The following CHN2 variants were observed in gnomAD, a reference collection of about 807,000 sequenced individuals.
The protein encoded by CHN2 is beta-chimaerin.
Under a neutral mutation model 56.3 loss-of-function variants are expected in CHN2, and 35 were observed. That is an observed-to-expected ratio of 0.62 (90% CI 0.47 to 0.82). The LOEUF is 0.82. Ranked by LOEUF, CHN2 falls within the 40% of genes least tolerant of loss-of-function variation. The pLI is 0.00. For synonymous variants in CHN2, 210 were observed against 212.8 expected, an observed-to-expected ratio of 0.99 and a Z score of 0.12; for missense variants, 491 against 580.5, an observed-to-expected ratio of 0.85 and a Z score of 1.58.
At chr7:29,481,412 A>G (rs2128543827) in intron 7 of CHN2, among the ~76,000 whole-genome samples, 1 of 152,332 alleles carries the variant, frequency 6.6e-6, no homozygotes, top group East Asian at 1.9e-4. Flanking sequence ...TCTGAGGACA[A>G]ATATTCATCT....
chr7:29,406,901 C>T lies in CHN2; in HGVS notation c.576+6073C>T, dbSNP rs577212499. On this transcript the variant is annotated intron_variant, in intron 6 of 12. Transcript: ENST00000222792. ...ACTTCCTAATTCTAACGCCCTCCAC[C>T]TCACTCGGTGAAGCAAGCACTGATT... is the stretch of plus-strand genomic sequence containing the variant. Among the ~76,000 whole-genome samples the T allele has an allele frequency of 2.8e-4, 42 of 152,298 alleles. No individual in the cohort carries two copies. In the South Asian group the frequency reaches 6.8e-3, roughly 25 times the overall value.
chr7:29,279,262 C>T (rs961397371), intron 1 of CHN2, among the ~76,000 whole-genome samples: 4 of 152,234 alleles, frequency 2.6e-5, no homozygotes, highest in African/African-American at 7.2e-5. Context: ...CTCCAACCCC[C>T]GAAAAATATA....
intron 1 of CHN2, among the ~76,000 whole-genome samples, chr7:29,264,277 G>T (rs1789920830): frequency 6.6e-6 from 1 of 152,030 alleles, no homozygotes; most frequent in Non-Finnish European, 1.5e-5. Context: ...GAAGTGAGGA[G>T]CCCCTCTGCC....
chr7:29,263,195 G>T (rs1789716703), intron 1 of CHN2, among the ~76,000 whole-genome samples: 1 of 152,166 alleles, frequency 6.6e-6, no homozygotes, highest in Non-Finnish European at 1.5e-5. Context: ...CGCCTGACTG[G>T]TTTTCGTATT....
chr7:29,266,487 T>A (rs989987992), intron 1 of CHN2, among the ~76,000 whole-genome samples: 1 of 152,202 alleles, frequency 6.6e-6, no homozygotes, highest in African/African-American at 2.4e-5. Context: ...GTTATTCTAA[T>A]GTGTCGCAAG....
chr7:29,462,162 A>G (rs1785215943), intron 6 of CHN2, among the ~76,000 whole-genome samples: 1 of 152,222 alleles, frequency 6.6e-6, no homozygotes, highest in African/African-American at 2.4e-5. Context: ...ACTGCTGAGC[A>G]TTAATTCTTT....
At chr7:29,296,095 T>C (rs1793135393) in intron 1 of CHN2, among the ~76,000 whole-genome samples, 1 of 152,072 alleles carries the variant, frequency 6.6e-6, no homozygotes, top group South Asian at 2.1e-4. Context: ...TTTTTTTTTT[T>C]TTTTTTAAGA....
At chr7:29,388,688 A>G (rs1442603512) in intron 3 of CHN2, among the ~76,000 whole-genome samples, 1 of 152,168 alleles carries the variant, frequency 6.6e-6, no homozygotes, top group African/African-American at 2.4e-5. Context: ...ATAATTCAGG[A>G]TCTTAAAATA....
intron 2 of CHN2, among the ~76,000 whole-genome samples, chr7:29,178,868 A>C (rs570603519): frequency 1.3e-5 from 2 of 152,362 alleles, no homozygotes; most frequent in South Asian, 4.1e-4. Flanking sequence ...CACAAATTTG[A>C]CCAATCAAAG....
At chr7:29,327,691 A>G (rs574390564) in intron 1 of CHN2, among the ~76,000 whole-genome samples, 1 of 152,220 alleles carries the variant, frequency 6.6e-6, no homozygotes, top group African/African-American at 2.4e-5. Context: ...GAAGTGTGTA[A>G]TTAGTGGTTG....
At chr7:29,199,107 G>T (rs141284757) in intron 1 of CHN2, among the ~76,000 whole-genome samples, 18 of 152,296 alleles carry the variant, frequency 1.2e-4, no homozygotes, top group African/African-American at 4.3e-4. Flanking sequence ...ACAGTATTGT[G>T]GGCCAGGTAA....
intron 1 of CHN2, among the ~76,000 whole-genome samples, chr7:29,294,396 G>A (rs1322491713): frequency 6.6e-6 from 1 of 152,050 alleles, no homozygotes; most frequent in African/African-American, 2.4e-5. Context: ...GGGTGTTTGG[G>A]GACAAAAACA....
chr7:29,399,106 C>T (rs1006237121), intron 5 of CHN2, among the ~76,000 whole-genome samples: 1 of 152,186 alleles, frequency 6.6e-6, no homozygotes, highest in Non-Finnish European at 1.5e-5. Context: ...TTTACATTTC[C>T]TCAGCCGCAG....
intron 1 of CHN2, among the ~76,000 whole-genome samples, chr7:29,297,863 G>A (rs1223113360): frequency 6.6e-6 from 1 of 152,156 alleles, no homozygotes; most frequent in East Asian, 1.9e-4. Context: ...GAAAAAAGAA[G>A]GCGTTTTTTA....
At chr7:29,395,234 A>C (rs2128077923) in intron 4 of CHN2, among the ~76,000 whole-genome samples, 1 of 152,362 alleles carries the variant, frequency 6.6e-6, no homozygotes, top group Non-Finnish European at 1.5e-5. Context: ...TTCTAAAAAT[A>C]AATTATGGCT....
At chr7:29,502,391 A>G in intron 9 of CHN2, among the ~76,000 whole-genome samples, 1 of 152,174 alleles carries the variant, frequency 6.6e-6, no homozygotes, top group African/African-American at 2.4e-5. Context: ...GAAGTGGAAA[A>G]GAGCATGCTC....
At chr7:29,384,825 C>A (rs1451030049) in intron 3 of CHN2, among the ~76,000 whole-genome samples, 2 of 152,164 alleles carry the variant, frequency 1.3e-5, no homozygotes, top group East Asian at 1.9e-4. Context: ...CCTGAGAAAT[C>A]TTCTGTGACC....
chr7:29,298,041 C>A (rs1271455147), intron 1 of CHN2, among the ~76,000 whole-genome samples: 1 of 152,144 alleles, frequency 6.6e-6, no homozygotes, highest in African/African-American at 2.4e-5. Flanking sequence ...ATCCCCGAGG[C>A]CTTGGTGACT....
intron 6 of CHN2, 67 bp from the exon 7 acceptor site, chr7:29,480,212 C>T (rs367953107): frequency 4.0e-5 from 64 of 1,613,678 alleles, no homozygotes; most frequent in Non-Finnish European, 5.1e-5. Flanking sequence ...CCGTAGCCTT[C>T]GGGGTGAAGG....
Sources: allele counts gnomAD v4.1 joint callset (sites outside exome capture counted in the v4.1 genomes callset), GRCh38; gene constraint gnomAD v4.1.1; transcripts MANE v1.5; gene names NCBI Gene and HGNC (gene_info 2026-07-23, HGNC 2026-07-21).